The following FER1L6 variants were observed in gnomAD, a reference collection of about 807,000 sequenced individuals.
FER1L6 encodes the protein fer-1-like protein 6.
Under a neutral mutation model 219.2 loss-of-function variants are expected in FER1L6, and 177 were observed. That is an observed-to-expected ratio of 0.81 (90% CI 0.71 to 0.91). The LOEUF (loss-of-function observed/expected upper bound fraction) is 0.91, where lower values mean the gene tolerates loss of function less well. Among genes scored for constraint, FER1L6 ranks in the 40% least tolerant of loss-of-function variants. The pLI is 0.00. For synonymous variants in FER1L6, 768 were observed against 824.3 expected (o/e 0.93, Z 1.17); for missense variants, 2,153 against 2,259.9 (o/e 0.95, Z 0.96).
At chr8:123,955,230 C>T (rs974708400) in intron 1 of FER1L6, among the ~76,000 whole-genome samples, 4 of 152,150 alleles carry the variant, frequency 2.6e-5, no homozygotes, top group Admixed American at 6.5e-5. Context: ...GATCGCGCCA[C>T]TGTTCTCCAG....
chr8:123,929,155 T>C (rs1432483305), intron 1 of FER1L6, among the ~76,000 whole-genome samples: 1 of 152,202 alleles, frequency 6.6e-6, no homozygotes, highest in Admixed American at 6.5e-5. Flanking sequence ...GAACAAAGAA[T>C]ATGGTCTTAC....
intron 16 of FER1L6, among the ~76,000 whole-genome samples, chr8:124,019,809 T>A (rs1586599139): frequency 6.6e-6 from 1 of 152,176 alleles, no homozygotes; most frequent in African/African-American, 2.4e-5. Context: ...TTATTACAGA[T>A]TGTGATTCAA....
chr8:124,014,901 T>C (rs529600256), intron 15 of FER1L6, among the ~76,000 whole-genome samples: 2 of 152,308 alleles, frequency 1.3e-5, no homozygotes, highest in South Asian at 4.1e-4. Context: ...TCAGAGTCTC[T>C]CCCTGGCTGC....
chr8:124,099,979 C>T (rs1029582616), intron 37 of FER1L6, among the ~76,000 whole-genome samples: 1 of 152,126 alleles, frequency 6.6e-6, no homozygotes, highest in Admixed American at 6.5e-5. Context: ...AAGCAAGGAC[C>T]ATCTCTGCTC....
intron 33 of FER1L6, among the ~76,000 whole-genome samples, chr8:124,086,453 A>C (rs1217439809): frequency 6.6e-6 from 1 of 151,978 alleles, no homozygotes; most frequent in Non-Finnish European, 1.5e-5. Context: ...CAAACAAAAA[A>C]AAAAAGCAAA....
intron 1 of FER1L6, chr8:123,925,782 T>C (rs1048876614): frequency 9.2e-5 from 14 of 152,248 alleles, no homozygotes; most frequent in African/African-American, 3.4e-4. Context: ...ATTTGAGTGG[T>C]CCTTCTGAAA....
At chr8:123,968,843 G>A (rs1405003962) in intron 5 of FER1L6, among the ~76,000 whole-genome samples, 5 of 152,096 alleles carry the variant, frequency 3.3e-5, no homozygotes, top group South Asian at 2.1e-4. Flanking sequence ...GCAGGCCATC[G>A]TCATTTGGTC....
At position 124,064,546 on chromosome 8, in the gene FER1L6, G is replaced by A. The variant is rs1166586885; in HGVS notation, c.3528G>A (p.Gln1176=). The A allele has an allele frequency of 6.2e-6, 10 of 1,609,792 alleles. No homozygotes were observed. The highest frequency in any genetic ancestry group is 8.5e-6 in the Non-Finnish European group (10 of 1,179,042). The change falls in exon 26 of 41, where the codon CAG becomes CAA. Residue 1176 remains glutamine (Q), a synonymous_variant. Coordinates refer to ENST00000522917, the MANE Select transcript of FER1L6 (RefSeq NM_001039112.2). ...AGCCTGAACACACACCTGTAGCCCA[G>A]GAGCCACCAAAAGATGGAAAACCTA... ...MLEPEHTPVA[Q]EPPKDGKPKD...
At chr8:123,947,381 T>G (rs551214456) in intron 1 of FER1L6, among the ~76,000 whole-genome samples, 1 of 152,308 alleles carries the variant, frequency 6.6e-6, no homozygotes, top group South Asian at 2.1e-4. Context: ...GTACAAATTG[T>G]TTTTCAGGCC....
chr8:123,976,239 C>T (rs1014390405), intron 9 of FER1L6, among the ~76,000 whole-genome samples, 155 bp downstream of exon 9: 4 of 152,222 alleles, frequency 2.6e-5, no homozygotes, highest in African/African-American at 9.6e-5. Flanking sequence ...AGGTGGCTCA[C>T]ACCTGTAATC....
rs536488985 is a variant in FER1L6 at position 123,909,470 on chromosome 8, G to A, written c.-7-46522G>A. On this transcript the variant is annotated intron_variant, in intron 1 of 40. Transcript: ENST00000522917. ...GGATGAAAAAGGTTGTTGAGTGGGG[G>A]CAGAGGTGAGTTAGGAGGATGCCGC... 1.9e-3 allele frequency among the ~76,000 whole-genome samples: 296 copies of A among 152,222 alleles called. 1 individual carries two copies. In the Middle Eastern group the frequency reaches 0.031, roughly 16 times the overall value.
chr8:124,060,636 G>A lies in FER1L6; in HGVS notation c.3074G>A (p.Gly1025Asp), dbSNP rs755867511. ...GCTCTCATTGAGTGCGGAGGACAAG[G>A]TGTGAAGTCCTGCGTGATCCAGAGC... ...PQALIECGGQ[G>D]VKSCVIQSYK... The change falls in exon 24 of 41, where the codon GGT (glycine) becomes GAT (aspartate). Residue 1025 changes from glycine to aspartate, a missense_variant. By Grantham distance (94) the Gly-to-Asp change is moderately conservative. Coordinates refer to ENST00000522917, the MANE Select transcript of FER1L6 (RefSeq NM_001039112.2). 1 of 1,614,134 alleles carries A rather than the reference G, an allele frequency of 6.2e-7. No individual in the cohort carries two copies. Among genetic ancestry groups the A allele is most frequent in the Non-Finnish European group, 8.5e-7 (1 of 1,179,994 alleles).
chr8:123,961,709 A>G (rs1477364781), intron 2 of FER1L6, among the ~76,000 whole-genome samples: 1 of 152,174 alleles, frequency 6.6e-6, no homozygotes, highest in Non-Finnish European at 1.5e-5. Context: ...ACACACGTGC[A>G]TGTTATATAT....
intron 1 of FER1L6, among the ~76,000 whole-genome samples, chr8:123,855,251 A>T (rs971424533): frequency 1.3e-5 from 2 of 152,128 alleles, no homozygotes; most frequent in African/African-American, 4.8e-5. Flanking sequence ...CAGTTCTTTT[A>T]TGTGTTTGGG....
chr8:124,048,717 A>C (rs1156679273), intron 21 of FER1L6, among the ~76,000 whole-genome samples: 1 of 152,212 alleles, frequency 6.6e-6, no homozygotes, highest in Non-Finnish European at 1.5e-5. Flanking sequence ...TCATGATCCT[A>C]TGGAAAGGTA....
At chr8:123,977,640 G>T (rs1398649001) in intron 10 of FER1L6, 31 bp downstream of exon 10, 1 of 1,604,354 alleles carries the variant, frequency 6.2e-7, no homozygotes, top group African/African-American at 1.3e-5. Flanking sequence ...CTTGAAAAAT[G>T]TCTCAAAATG....
intron 39 of FER1L6, among the ~76,000 whole-genome samples, chr8:124,112,181 C>T (rs1823048945): frequency 6.6e-6 from 1 of 152,164 alleles, no homozygotes; most frequent in African/African-American, 2.4e-5. Context: ...TGTGCACTCT[C>T]CTCCCGTTCT....
intron 2 of FER1L6, among the ~76,000 whole-genome samples, 161 bp downstream of exon 2, chr8:123,956,235 G>A (rs1815013166): frequency 6.6e-6 from 1 of 152,204 alleles, no homozygotes; most frequent in African/African-American, 2.4e-5. Context: ...GTGGGCCCAA[G>A]ACAACCCCCA....
rs755112732 is a variant in FER1L6 at position 124,082,412 on chromosome 8, T to C, written c.4345T>C (p.Tyr1449His). Residue 1449 changes from tyrosine to histidine, a missense_variant, in exon 33 of 41, where the codon TAC becomes CAC. Coordinates refer to ENST00000522917, the MANE Select transcript of FER1L6 (RefSeq NM_001039112.2). ...CAAGATCGACCTGGAGAACCGCTTCTACAGCAAACACCGAGCCATCTGTGG... is the reference window on the plus strand; with the variant it reads ...CAAGATCGACCTGGAGAACCGCTTCCACAGCAAACACCGAGCCATCTGTGG... ...ETKIDLENRF[Y>H]SKHRAICGLQ... The C allele has an allele frequency of 6.8e-6, 11 of 1,614,006 alleles. No homozygotes were observed. Among genetic ancestry groups the C allele is most frequent in the East Asian group, 2.2e-5 (1 of 44,884 alleles).
Sources: gnomAD v4.1 joint callset for allele counts (sites outside exome capture counted in the v4.1 genomes callset) on GRCh38, gnomAD v4.1.1 for gene constraint, MANE v1.5 for transcripts, NCBI Gene and HGNC (gene_info 2026-07-23, HGNC 2026-07-21) for gene names.